Variants in ZNF197 observed in about 807,000 individuals in gnomAD.
ZNF197 encodes zinc finger protein 197, also known as VHL-associated KRAB-A domain-containing protein.
ZNF197 carries 14 observed loss-of-function variants against 27.4 expected under a neutral mutation model. That is an observed-to-expected ratio of 0.51 (90% confidence interval 0.34 to 0.80). The LOEUF (loss-of-function observed/expected upper bound fraction) is 0.80, where lower values mean the gene tolerates loss of function less well. ZNF197 is among the 30% of genes least tolerant of loss of function. ZNF197 has a pLI of 0.02. For missense variants in ZNF197, 1,090 were observed against 1,222.6 expected, an observed-to-expected ratio of 0.89 and a Z score of 1.62; for synonymous variants, 415 against 420.0, an observed-to-expected ratio of 0.99 and a Z score of 0.15.
At position 44,642,152 on chromosome 3, in the gene ZNF197, G is replaced by T. The variant is rs760276774; in HGVS notation, c.1022G>T (p.Gly341Val). 6.2e-6 allele frequency: 10 copies of T among 1,614,010 alleles called. No homozygotes were observed. Among genetic ancestry groups the T allele is most frequent in the South Asian group, 1.1e-5 (1 of 91,084 alleles). Residue 341 changes from glycine (G) to valine (V), a missense_variant, in exon 6 of 6, where the codon GGC (glycine) becomes GTC (valine). Physicochemically the swap from Gly to Val is moderately radical, Grantham distance 109. Transcript: ENST00000344387. ...AAAAGGACTCCACCAGAGAAACAAG[G>T]CCAAAAGTGGAAGGAATTAGGAGAC... ...KKKRTPPEKQGQKWKELGDSL... is the reference protein window; with the variant it reads ...KKKRTPPEKQVQKWKELGDSL...
At position 44,629,145 on chromosome 3, in the gene ZNF197, A is replaced by G. The variant is rs779166591; in HGVS notation, c.-10A>G. 3 of 1,594,696 alleles carry G rather than the reference A, an allele frequency of 1.9e-6. No homozygotes were observed. The highest frequency in any genetic ancestry group is 2.7e-5 in the African/African-American group (2 of 73,552). On this transcript the variant is annotated 5_prime_UTR_variant, in exon 2 of 6. Coordinates refer to ENST00000344387, the MANE Select transcript of ZNF197 (RefSeq NM_006991.5). ...CTGGACTGGAGAGGAGCCTTTTTCA[A>G]AAAACAACAATGACAAGAGAAAATG... is the stretch of plus-strand genomic sequence containing the variant.
At chr3:44,632,325 C>T in intron 4 of ZNF197, 129 bp downstream of exon 4, 1 of 1,490,722 alleles carries the variant, frequency 6.7e-7, no homozygotes, top group South Asian at 1.2e-5. Flanking sequence ...TATTGGAAGA[C>T]AGACTTTACA....
chr3:44,644,818 G>A lies in ZNF197; in HGVS notation c.*598G>A, dbSNP rs1291422675. The stretch of plus-strand genomic sequence containing the variant: ...GAAGATCCCTTGAGCCCAGGAGTTC[G>A]AGACAAGCCTGGGTAACACGGGGAG... On this transcript the variant is annotated 3_prime_UTR_variant, in exon 6 of 6. Coordinates refer to ENST00000344387, the MANE Select transcript of ZNF197 (RefSeq NM_006991.5). 4.1e-6 allele frequency: 4 copies of A among 979,448 alleles called. No homozygotes were observed. The highest frequency in any genetic ancestry group is 1.8e-5 in the African/African-American group (1 of 57,086). The allele number at this position is 979,448 out of a possible 1,614,324, so 60.7% of individuals were successfully genotyped here.
rs755321104 is a variant in ZNF197, at chr3:44,632,178, C to T, written c.624C>T (p.Leu208=). ...NPRNQLMALM[L]LTAQPQELVM... is the part of the protein sequence containing the mutation. ...GAAATCAATTAATGGCACTTATGCT[C>T]CTAACAGCCCAGCCCCAGGTAAGGT... is the stretch of plus-strand genomic sequence containing the variant. The change falls in exon 4 of 6, where the codon CTC becomes CTT. Residue 208 remains leucine, a synonymous_variant. Coordinates refer to ENST00000344387, the MANE Select transcript of ZNF197 (RefSeq NM_006991.5). 7.4e-6 allele frequency: 12 copies of T among 1,614,058 alleles called. No individual in the cohort carries two copies. In the East Asian group the frequency reaches 1.6e-4, roughly 21 times the overall value.
Position 44,631,177 on chromosome 3 carries a change from C to A in ZNF197, c.506C>A (p.Pro169His). 1 of 1,614,180 alleles carries A rather than the reference C, an allele frequency of 6.2e-7. No homozygotes were observed. The highest frequency in any genetic ancestry group is 1.1e-5 in the South Asian group (1 of 91,090). The change falls in exon 3 of 6, where the codon CCT becomes CAT. Residue 169 changes from proline (P) to histidine (H), a missense_variant. Coordinates refer to ENST00000344387, the MANE Select transcript of ZNF197 (RefSeq NM_006991.5). Reference sequence around the variant, plus strand: ...ATAGCAGCTGAAATTTGCCCGCATCCTCCTACTGACCTAGTGGCATTCAAC... The same window carrying A: ...ATAGCAGCTGAAATTTGCCCGCATCATCCTACTGACCTAGTGGCATTCAAC... ...SHIAAEICPH[P>H]PTDLVAFNLQ...
chr3:44,643,135 CA>C lies in ZNF197; in HGVS notation c.2008del (p.Arg670GlyfsTer48). The C allele has an allele frequency of 6.2e-7, 1 of 1,612,908 alleles. No individual in the cohort carries two copies. The highest frequency in any genetic ancestry group is 8.5e-7 in the Non-Finnish European group (1 of 1,179,740). ...TCTGAAGAAGAGCCTCATTTTACAT[CA>C]AAGGTTCCACACTGGAGAGAATCTC... ...FILKKSLILHQRFHTGENLYE... is the reference protein window; with the variant it reads ...FILKKSLILHXRFHTGENLYE... On this transcript the variant is annotated frameshift_variant, in exon 6 of 6. Coordinates refer to ENST00000344387, the MANE Select transcript of ZNF197 (RefSeq NM_006991.5). LOFTEE classifies it low-confidence loss of function (END_TRUNC).
In ZNF197 at chr3:44,640,360, CTT is replaced by C. The variant is rs908474468; in HGVS notation, c.770-1538_770-1537del. ...CAGCCCTCCTCTCCATCAGCATTCT[CTT>C]TGTTTTTTGTTTGTTTTGTTCTTGT... is the stretch of plus-strand genomic sequence containing the variant. On this transcript the variant is annotated intron_variant, in intron 5 of 5. Transcript: ENST00000344387. The surrounding 1 kb of genome is among the most constrained non-coding windows in gnomAD (Gnocchi z 4.0). Among the ~76,000 whole-genome samples, 6 of 152,062 alleles carry C rather than the reference CTT, an allele frequency of 3.9e-5. No individual in the cohort carries two copies. The highest frequency in any genetic ancestry group is 1.9e-4 in the East Asian group (1 of 5,182).
Position 44,629,539 on chromosome 3 carries a change from A to G in ZNF197, c.385A>G (p.Ile129Val), listed in dbSNP as rs1371110707. ...ELQKDLDGPAIQVPVLVKDQD... is the reference protein window; with the variant it reads ...ELQKDLDGPAVQVPVLVKDQD... ...GCAGAAAGACCTTGATGGACCAGCAATACAAGTGAGAAAGACAGGGAGGGG... is the reference window on the plus strand; with the variant it reads ...GCAGAAAGACCTTGATGGACCAGCAGTACAAGTGAGAAAGACAGGGAGGGG... Residue 129 changes from isoleucine (I) to valine (V), a missense_variant, in exon 2 of 6, where the codon ATA (isoleucine) becomes GTA (valine). Physicochemically the swap from Ile to Val is conservative, Grantham distance 29. Coordinates refer to ENST00000344387, the MANE Select transcript of ZNF197 (RefSeq NM_006991.5). 6.4e-6 allele frequency: 10 copies of G among 1,551,660 alleles called. No homozygotes were observed. Among genetic ancestry groups the G allele is most frequent in the South Asian group, 1.3e-5 (1 of 79,826 alleles).
Position 44,645,044 on chromosome 3 carries a change from A to G in ZNF197, c.*824A>G. ...AGAGTCTGCTGATGAGGACAACCTA[A>G]AAGAGCACTGGATTTGGAATCAGAA... On this transcript the variant is annotated 3_prime_UTR_variant, in exon 6 of 6. Transcript: ENST00000344387. 1.0e-6 allele frequency: 1 copy of G among 985,414 alleles called. No homozygotes were observed. Among genetic ancestry groups the G allele is most frequent in the Non-Finnish European group, 1.2e-6 (1 of 829,934 alleles). 61.0% of individuals were successfully genotyped at this position (985,414 alleles called of 1,614,324 possible).
intron 5 of ZNF197, among the ~76,000 whole-genome samples, chr3:44,636,468 T>C (rs1255951040): frequency 1.3e-5 from 2 of 152,218 alleles, no homozygotes. Flanking sequence ...TTCATATAAA[T>C]GGAATCATGC....
In ZNF197 at chr3:44,645,570, G is replaced by A; in HGVS notation, c.*1350G>A. On this transcript the variant is annotated 3_prime_UTR_variant, in exon 6 of 6. Transcript: ENST00000344387. ...CTTTTGAATTTGAAACTTAACAGATGGAGAGTGTCAAAATGGAAGGGCAGT... is the reference window on the plus strand; with the variant it reads ...CTTTTGAATTTGAAACTTAACAGATAGAGAGTGTCAAAATGGAAGGGCAGT... 1 of 985,332 alleles carries A rather than the reference G, an allele frequency of 1.0e-6. No homozygotes were observed. Among genetic ancestry groups the A allele is most frequent in the Non-Finnish European group, 1.2e-6 (1 of 829,916 alleles). 61.0% of individuals were successfully genotyped at this position (985,332 alleles called of 1,614,324 possible). A position where few individuals can be genotyped will look rare whatever the true frequency, so the allele number is the denominator to read the frequency against.
In ZNF197 at chr3:44,645,333, G is replaced by A. The variant is rs1416919793; in HGVS notation, c.*1113G>A. Reference sequence around the variant, plus strand: ...TATTAAGTCAATATTAGAATGAGGGGGATTCCAGGAACCTAAAAGATACTC... The same window carrying A: ...TATTAAGTCAATATTAGAATGAGGGAGATTCCAGGAACCTAAAAGATACTC... On this transcript the variant is annotated 3_prime_UTR_variant, in exon 6 of 6. Transcript: ENST00000344387. 1 of 984,994 alleles carries A rather than the reference G, an allele frequency of 1.0e-6. No individual in the cohort carries two copies. Among genetic ancestry groups the A allele is most frequent in the Non-Finnish European group, 1.2e-6 (1 of 829,906 alleles). 61.0% of individuals were successfully genotyped at this position (984,994 alleles called of 1,614,324 possible). A position where few individuals can be genotyped will look rare whatever the true frequency, so the allele number is the denominator to read the frequency against.
intron 5 of ZNF197, among the ~76,000 whole-genome samples, chr3:44,634,254 C>CAT (rs1488722940): frequency 6.6e-6 from 1 of 152,102 alleles, no homozygotes; most frequent in East Asian, 1.9e-4. Flanking sequence ...TACTCCTATT[C>CAT]ATATACTTCC....
chr3:44,637,132 A>G (rs564274698), intron 5 of ZNF197, among the ~76,000 whole-genome samples: 3 of 152,198 alleles, frequency 2.0e-5, no homozygotes, highest in East Asian at 1.9e-4. Flanking sequence ...ATGACTTACA[A>G]ATATTTTCTC....
Position 44,644,925 on chromosome 3 carries a change from G to A in ZNF197, c.*705G>A, listed in dbSNP as rs1212922750. The A allele has an allele frequency of 3.0e-6, 3 of 984,612 alleles. No homozygotes were observed. Among genetic ancestry groups the A allele is most frequent in the Non-Finnish European group, 3.6e-6 (3 of 829,306 alleles). 61.0% of individuals were successfully genotyped at this position (984,612 alleles called of 1,614,324 possible). A position where few individuals can be genotyped will look rare whatever the true frequency, so the allele number is the denominator to read the frequency against. ...AAAAGTGGACATTGTTTTTTAAAAT[G>A]TGTATAGTATGCATTTTAAAGATAG... On this transcript the variant is annotated 3_prime_UTR_variant, in exon 6 of 6. Transcript: ENST00000344387.
At chr3:44,631,278 C>T (rs1701976677) in intron 3 of ZNF197, 57 bp downstream of exon 3, 2 of 1,598,278 alleles carry the variant, frequency 1.3e-6, no homozygotes, top group African/African-American at 2.7e-5. Flanking sequence ...TGTGGCTCAT[C>T]CCCCTACTTC....
chr3:44,646,570 A>T lies in ZNF197; in HGVS notation c.*2350A>T. On this transcript the variant is annotated 3_prime_UTR_variant, in exon 6 of 6. Transcript: ENST00000344387. ...ACACATCCAGAACGTGGAATATTGC[A>T]TAAGAAAGCTGCCCTGGATTCTTCA... 1.9e-6 allele frequency: 2 copies of T among 1,027,618 alleles called. No homozygotes were observed. The highest frequency in any genetic ancestry group is 3.1e-6 in the Non-Finnish European group (2 of 645,832). 63.7% of individuals were successfully genotyped at this position (1,027,618 alleles called of 1,614,324 possible).
Position 44,641,890 on chromosome 3 carries a change from C to A in ZNF197, c.770-10C>A, listed in dbSNP as rs773096917. ...GTGGTAACATTTGCATTTTTAATTC[C>A]TTTTACCAGAATGGGAGACCATGAC... On this transcript the variant is annotated splice_polypyrimidine_tract_variant and intron_variant, in intron 5 of 5. Transcript: ENST00000344387. 6 of 1,566,286 alleles carry A rather than the reference C, an allele frequency of 3.8e-6. No homozygotes were observed. The Admixed American group carries it at 6.0e-5, about 16-fold the overall frequency.
In ZNF197 at chr3:44,646,250, T is replaced by A. The variant is rs1702949868; in HGVS notation, c.*2030T>A. 1.0e-6 allele frequency: 1 copy of A among 980,560 alleles called. No homozygotes were observed. The highest frequency in any genetic ancestry group is 1.2e-6 in the Non-Finnish European group (1 of 825,566). 60.7% of individuals were successfully genotyped at this position (980,560 alleles called of 1,614,324 possible). ...GAATATCTACCTCACAAAGTTCTTA[T>A]GAGATAATGAATATAAAAATGTTTC... On this transcript the variant is annotated 3_prime_UTR_variant, in exon 6 of 6. Coordinates refer to ENST00000344387, the MANE Select transcript of ZNF197 (RefSeq NM_006991.5).
Sources: gnomAD v4.1 joint callset for allele counts (sites outside exome capture counted in the v4.1 genomes callset) on GRCh38, gnomAD v4.1.1 for gene constraint, Gnocchi (gnomAD v3.1) non-coding constraint, MANE v1.5 for transcripts, NCBI Gene and HGNC (gene_info 2026-07-23, HGNC 2026-07-21) for gene names.